Variants in AGBL4 observed in about 807,000 individuals in gnomAD.
AGBL4 encodes the protein cytosolic carboxypeptidase 6.
In AGBL4, 58 loss-of-function variants were observed where a neutral mutation model predicts 66.4. That is an observed-to-expected ratio of 0.87 (90% CI 0.71 to 1.09). AGBL4 has a LOEUF of 1.09. AGBL4 is among the 50% of genes least tolerant of loss of function. The probability of loss-of-function intolerance (pLI) is 0.00; values close to 1 mark genes in which losing one functional copy is unlikely to be tolerated. For synonymous variants in AGBL4, 234 were observed against 222.9 expected (o/e 1.05, Z -0.44); for missense variants, 579 against 631.0 (o/e 0.92, Z 0.88).
At chr1:49,454,685 A>G (rs1188167765) in intron 3 of AGBL4, among the ~76,000 whole-genome samples, 1 of 151,656 alleles carries the variant, frequency 6.6e-6, no homozygotes, top group Non-Finnish European at 1.5e-5. Context: ...AGTATGTACA[A>G]TATTTTCTGA....
At chr1:49,882,674 A>T (rs1397651909) in intron 1 of AGBL4, among the ~76,000 whole-genome samples, 2 of 152,098 alleles carry the variant, frequency 1.3e-5, no homozygotes, top group Non-Finnish European at 2.9e-5. Context: ...TTCACTCATG[A>T]TTTGGCTCTC....
At chr1:48,569,662 C>A (rs1644528529) in intron 11 of AGBL4, among the ~76,000 whole-genome samples, 1 of 152,150 alleles carries the variant, frequency 6.6e-6, no homozygotes, top group Non-Finnish European at 1.5e-5. Context: ...GCCATGAAGT[C>A]AAAAAGCAGT....
intron 4 of AGBL4, among the ~76,000 whole-genome samples, chr1:49,157,088 AT>A (rs938681613): frequency 4.0e-5 from 6 of 151,488 alleles, no homozygotes; most frequent in African/African-American, 9.7e-5. Context: ...TTTCATTTTT[AT>A]TTTTTTTTAT....
intron 3 of AGBL4, among the ~76,000 whole-genome samples, chr1:49,479,022 A>G (rs565545776): frequency 1.1e-4 from 17 of 152,134 alleles, no homozygotes; most frequent in Admixed American, 1.0e-3. Flanking sequence ...AAATCATACC[A>G]CCCGACAAAA....
chr1:49,605,330 G>A (rs1053406239), intron 3 of AGBL4, among the ~76,000 whole-genome samples: 8 of 152,032 alleles, frequency 5.3e-5, no homozygotes, highest in African/African-American at 1.9e-4. Flanking sequence ...AATCTTTTTT[G>A]TTGAATTCTT....
At chr1:49,712,130 G>A (rs1647718872) in intron 2 of AGBL4, among the ~76,000 whole-genome samples, 2 of 151,944 alleles carry the variant, frequency 1.3e-5, no homozygotes, top group East Asian at 3.9e-4. Context: ...ATATTAAATT[G>A]AACATGAAAT....
intron 1 of AGBL4, among the ~76,000 whole-genome samples, chr1:49,916,638 G>C (rs902013729): frequency 6.6e-6 from 1 of 152,122 alleles, no homozygotes; most frequent in Non-Finnish European, 1.5e-5. Flanking sequence ...GGGGAGAATG[G>C]AACCAAGTTG....
intron 5 of AGBL4, among the ~76,000 whole-genome samples, chr1:49,031,279 G>T (rs1365678039): frequency 6.6e-6 from 1 of 151,818 alleles, no homozygotes; most frequent in Non-Finnish European, 1.5e-5. Context: ...GTAGAGATGG[G>T]ATTTTGCCAT....
At chr1:49,358,309 C>T (rs1644062190) in intron 3 of AGBL4, among the ~76,000 whole-genome samples, 1 of 152,060 alleles carries the variant, frequency 6.6e-6, no homozygotes, top group African/African-American at 2.4e-5. Flanking sequence ...TTCCAGACCC[C>T]AGACCCTAGT....
At chr1:49,341,035 A>G (rs1250733949) in intron 3 of AGBL4, among the ~76,000 whole-genome samples, 2 of 152,212 alleles carry the variant, frequency 1.3e-5, no homozygotes, top group Admixed American at 1.3e-4. Context: ...TATCTTATGT[A>G]TAAGCAAGCA....
chr1:50,006,056 G>A (rs181496985), intron 1 of AGBL4, among the ~76,000 whole-genome samples: 293 of 152,256 alleles, frequency 1.9e-3, no homozygotes, highest in Non-Finnish European at 3.3e-3. Context: ...AAAAGAGGCA[G>A]AGGCCAGGTG....
At chr1:48,664,047 G>A (rs1000750950) in intron 6 of AGBL4, among the ~76,000 whole-genome samples, 1 of 152,162 alleles carries the variant, frequency 6.6e-6, no homozygotes, top group Non-Finnish European at 1.5e-5. Flanking sequence ...ATCAATGAGA[G>A]AAGGAAAACA....
intron 3 of AGBL4, among the ~76,000 whole-genome samples, chr1:49,505,650 T>C (rs1381647958): frequency 2.6e-5 from 4 of 152,082 alleles, no homozygotes; most frequent in African/African-American, 9.6e-5. Context: ...CTCTTGCTGT[T>C]TTCAGGATTC....
chr1:49,869,000 AG>A (rs1484972485), intron 1 of AGBL4, among the ~76,000 whole-genome samples: 1 of 152,170 alleles, frequency 6.6e-6, no homozygotes, highest in Non-Finnish European at 1.5e-5. Flanking sequence ...GTGGAAAAAA[AG>A]CTCATCACTG....
chr1:49,326,529 A>G (rs1224905672), intron 3 of AGBL4, among the ~76,000 whole-genome samples: 1 of 152,224 alleles, frequency 6.6e-6, no homozygotes, highest in Non-Finnish European at 1.5e-5. Context: ...GGGAAGGAAA[A>G]TAATTAAAGA....
At chr1:49,486,264 C>T (rs1197033126) in intron 3 of AGBL4, among the ~76,000 whole-genome samples, 1 of 151,998 alleles carries the variant, frequency 6.6e-6, no homozygotes, top group Non-Finnish European at 1.5e-5. Flanking sequence ...CACCTATTTT[C>T]CAAAGGTAAT....
At chr1:48,810,881 G>A (rs1448223908) in intron 6 of AGBL4, among the ~76,000 whole-genome samples, 1 of 152,058 alleles carries the variant, frequency 6.6e-6, no homozygotes, top group Admixed American at 6.5e-5. Context: ...TCTCAAATTT[G>A]ACCTTTGGAC....
chr1:48,553,137 G>A (rs1049724442), intron 11 of AGBL4, among the ~76,000 whole-genome samples: 1 of 152,042 alleles, frequency 6.6e-6, no homozygotes, highest in African/African-American at 2.4e-5. Flanking sequence ...CCAGGCACCA[G>A]CAATTTCCCA....
Position 49,880,768 on chromosome 1 carries a change from G to A in AGBL4, c.35-29250C>T, listed in dbSNP as rs1432829312. On this transcript the variant is annotated intron_variant, in intron 1 of 13. Coordinates refer to ENST00000371839, the MANE Select transcript of AGBL4 (RefSeq NM_032785.4). ...GCGCCCCTCCCCCAGCCTTGCTGCC[G>A]CCTTGCAGTTTGATCTCAGACTGCT... Among the ~76,000 whole-genome samples the A allele has an allele frequency of 3.3e-5, 5 of 151,954 alleles. 1 individual carries two copies. Among genetic ancestry groups the A allele is most frequent in the African/African-American group, 7.3e-5 (3 of 41,344 alleles).
Sources: allele counts gnomAD v4.1 joint callset (sites outside exome capture counted in the v4.1 genomes callset), GRCh38; gene constraint gnomAD v4.1.1; transcripts MANE v1.5; gene names NCBI Gene and HGNC (gene_info 2026-07-23, HGNC 2026-07-21).